Variants in MEOX2 observed in about 807,000 individuals in gnomAD.
MEOX2 encodes homeobox protein MOX-2.
MEOX2 carries 11 observed loss-of-function variants against 27.0 expected under a neutral mutation model. The observed-to-expected ratio is 0.41, with a 90% CI of 0.26 to 0.68. MEOX2 has a LOEUF of 0.68. Ranked by LOEUF, MEOX2 falls within the 30% of genes least tolerant of loss-of-function variation. The pLI is 0.33. For missense variants in MEOX2, 436 were observed against 385.4 expected (o/e 1.13, Z -1.10); for synonymous variants, 189 against 155.4 (o/e 1.22, Z -1.61).
chr7:15,613,516 T>C (rs1473105061), intron 2 of MEOX2, among the ~76,000 whole-genome samples: 1 of 152,104 alleles, frequency 6.6e-6, no homozygotes, highest in Non-Finnish European at 1.5e-5. Flanking sequence ...CTCATAATTA[T>C]AGCTTCTAGC....
At chr7:15,637,849 G>A (rs1190995536) in intron 1 of MEOX2, among the ~76,000 whole-genome samples, 1 of 151,916 alleles carries the variant, frequency 6.6e-6, no homozygotes, top group Non-Finnish European at 1.5e-5. Flanking sequence ...AGAATCCACA[G>A]GATTGTTGAA....
Position 15,626,732 on chromosome 7 carries a change from A to T in MEOX2, c.690+14T>A. 1 of 1,592,908 alleles carries T rather than the reference A, an allele frequency of 6.3e-7. No individual in the cohort carries two copies. On this transcript the variant is annotated intron_variant, in intron 2 of 2. Coordinates refer to ENST00000262041, the MANE Select transcript of MEOX2 (RefSeq NM_005924.5). ...AATTAAAAAAGATCATATAATGATA[A>T]TGCCCAGCTTTACCTGTCTTTCAGT...
chr7:15,645,126 T>A (rs1781621147), intron 1 of MEOX2, among the ~76,000 whole-genome samples: 2 of 152,226 alleles, frequency 1.3e-5, no homozygotes, highest in South Asian at 4.1e-4. Context: ...ACAGCAGTAT[T>A]GAAAGTGATA....
chr7:15,633,650 A>G (rs1332963084), intron 1 of MEOX2, among the ~76,000 whole-genome samples: 1 of 151,930 alleles, frequency 6.6e-6, no homozygotes, highest in African/African-American at 2.4e-5. Flanking sequence ...AAGGACTAGC[A>G]TTTATGCTGT....
chr7:15,636,067 G>T (rs1414340976), intron 1 of MEOX2, among the ~76,000 whole-genome samples: 2 of 151,970 alleles, frequency 1.3e-5, no homozygotes, highest in African/African-American at 4.8e-5. Context: ...AATGTAGGAA[G>T]ATAGGAGTCA....
chr7:15,653,050 T>A (rs1348413356), intron 1 of MEOX2, among the ~76,000 whole-genome samples: 1 of 133,238 alleles, frequency 7.5e-6, no homozygotes, highest in East Asian at 2.6e-4. Flanking sequence ...TAAGAAACTG[T>A]CAAACTTTTT....
intron 1 of MEOX2, among the ~76,000 whole-genome samples, chr7:15,633,806 A>G (rs1239271466): frequency 6.6e-6 from 1 of 151,776 alleles, no homozygotes; most frequent in East Asian, 1.9e-4. Flanking sequence ...ATGAGTATGA[A>G]TTTTGTCTTC....
At chr7:15,669,537 A>G (rs1343029882) in intron 1 of MEOX2, among the ~76,000 whole-genome samples, 3 of 152,206 alleles carry the variant, frequency 2.0e-5, no homozygotes, top group African/African-American at 7.2e-5. Flanking sequence ...TTCCCAATTA[A>G]TCTTTATTAA....
intron 2 of MEOX2, 72 bp from the exon 3 acceptor site, chr7:15,612,683 G>T: frequency 7.7e-7 from 1 of 1,302,546 alleles, no homozygotes; most frequent in Non-Finnish European, 1.1e-6. Context: ...TCTCCTTAGT[G>T]TCATCAATGA....
At chr7:15,640,281 T>TG (rs1391454126) in intron 1 of MEOX2, among the ~76,000 whole-genome samples, 5 of 151,684 alleles carry the variant, frequency 3.3e-5, no homozygotes, top group Non-Finnish European at 1.5e-5. Flanking sequence ...TGTGTGTGTG[T>TG]TTCTGGCTAC....
chr7:15,612,919 G>C (rs1781056433), intron 2 of MEOX2, among the ~76,000 whole-genome samples: 1 of 152,172 alleles, frequency 6.6e-6, no homozygotes, highest in South Asian at 2.1e-4. Flanking sequence ...TCTATAAAGA[G>C]CTTCTGTGAA....
chr7:15,636,958 G>A (rs982170952), intron 1 of MEOX2, among the ~76,000 whole-genome samples: 4 of 151,860 alleles, frequency 2.6e-5, no homozygotes, highest in Non-Finnish European at 5.9e-5. Context: ...CTCCCAAAAG[G>A]CCTCACCTGC....
intron 1 of MEOX2, among the ~76,000 whole-genome samples, chr7:15,660,563 C>T (rs750351962): frequency 7.0e-4 from 106 of 152,194 alleles, no homozygotes; most frequent in Non-Finnish European, 1.2e-3. Context: ...TAGAACTATT[C>T]CCGCCTCCGA....
At chr7:15,635,304 G>A (rs1172654769) in intron 1 of MEOX2, among the ~76,000 whole-genome samples, 4 of 151,840 alleles carry the variant, frequency 2.6e-5, no homozygotes, top group African/African-American at 9.7e-5. Flanking sequence ...CCTACTGCAT[G>A]GCCTTTTCAC....
intron 1 of MEOX2, among the ~76,000 whole-genome samples, chr7:15,642,999 T>C (rs1304701121): frequency 2.0e-5 from 3 of 152,158 alleles, no homozygotes; most frequent in African/African-American, 7.2e-5. Flanking sequence ...GTGTTGGAGG[T>C]CTAGAGAGGC....
At chr7:15,656,291 G>GT in intron 1 of MEOX2, among the ~76,000 whole-genome samples, 1 of 151,782 alleles carries the variant, frequency 6.6e-6, no homozygotes. Context: ...GGTTCATGAA[G>GT]TTTTTTAAAC....
intron 1 of MEOX2, among the ~76,000 whole-genome samples, chr7:15,646,587 CA>C (rs2115374211): frequency 6.6e-6 from 1 of 152,082 alleles, no homozygotes; most frequent in Non-Finnish European, 1.5e-5. Flanking sequence ...ATTTTACAAA[CA>C]GAGCTCTATC....
chr7:15,638,486 A>T (rs960817932), intron 1 of MEOX2, among the ~76,000 whole-genome samples: 21 of 151,904 alleles, frequency 1.4e-4, no homozygotes, highest in African/African-American at 4.6e-4. Flanking sequence ...TATGTAAAAC[A>T]TTTCTAGATC....
At chr7:15,675,471 A>G (rs1782177808) in intron 1 of MEOX2, among the ~76,000 whole-genome samples, 1 of 152,190 alleles carries the variant, frequency 6.6e-6, no homozygotes, top group African/African-American at 2.4e-5. Flanking sequence ...TTTATTGGGA[A>G]GACTAAAAAC....
Sources: allele counts gnomAD v4.1 joint callset (sites outside exome capture counted in the v4.1 genomes callset), GRCh38; gene constraint gnomAD v4.1.1; transcripts MANE v1.5; gene names NCBI Gene and HGNC (gene_info 2026-07-23, HGNC 2026-07-21).